LRRC37A2: variants seen among roughly 807,000 people sequenced by gnomAD.
LRRC37A2 encodes the protein leucine rich repeat containing 37 member A2, also known as leucine-rich repeat-containing protein 37A2.
LRRC37A2 carries 9 observed loss-of-function variants against 68.8 expected under a neutral mutation model. That is an observed-to-expected ratio of 0.13 (90% CI 0.08 to 0.23). The LOEUF is 0.23. LRRC37A2 is among the 10% of genes least tolerant of loss of function. The pLI, the probability that LRRC37A2 is intolerant of heterozygous loss-of-function variation, is 1.00. For missense variants in LRRC37A2, 168 were observed against 950.4 expected, an observed-to-expected ratio of 0.18 and a Z score of 10.82; for synonymous variants, 63 against 367.6, an observed-to-expected ratio of 0.17 and a Z score of 9.48.
chr17:47,024,182 C>A, the LRRC37A2 span, among the ~76,000 whole-genome samples: 1 of 152,168 alleles, frequency 6.6e-6, no homozygotes, highest in Non-Finnish European at 1.5e-5. Flanking sequence ...GAGTGAGACC[C>A]TGTCTCAAAA....
At chr17:46,558,163 A>G (rs1293830285), downstream of LRRC37A2, among the ~76,000 whole-genome samples, 1 of 116,868 alleles carries the variant, frequency 8.6e-6, no homozygotes, top group Non-Finnish European at 1.7e-5. Context: ...GGGTTCAAGC[A>G]AGTCTCCTGC....
chr17:46,940,568 C>T, the LRRC37A2 span: 1 of 1,614,182 alleles, frequency 6.2e-7, no homozygotes, highest in South Asian at 1.1e-5. Flanking sequence ...CCCAAGGATC[C>T]TGCCAGACAG....
At chr17:46,975,920 AGTT>A in the LRRC37A2 span, among the ~76,000 whole-genome samples, 298 of 151,754 alleles carry the variant, frequency 2.0e-3, 1 homozygote, top group African/African-American at 6.2e-3. Flanking sequence ...AAATGATAAA[AGTT>A]GTTGTTGTTG....
chr17:46,498,476 AT>A, the LRRC37A2 span, among the ~76,000 whole-genome samples: 2 of 138,850 alleles, frequency 1.4e-5, no homozygotes, highest in East Asian at 4.1e-4. Context: ...TGTATAGGTG[AT>A]AGAGCTGGTC....
the LRRC37A2 span, among the ~76,000 whole-genome samples, chr17:46,774,318 G>A: frequency 3.9e-5 from 6 of 152,260 alleles, no homozygotes; most frequent in African/African-American, 1.4e-4. Flanking sequence ...GGATACTGGG[G>A]CCACATGGAC....
chr17:46,707,169 A>G, the LRRC37A2 span, among the ~76,000 whole-genome samples: 2 of 152,026 alleles, frequency 1.3e-5, no homozygotes, highest in Non-Finnish European at 2.9e-5. Context: ...AATTTTTGCC[A>G]TTCAGTTAGG....
At chr17:46,733,800 T>G in the LRRC37A2 span, among the ~76,000 whole-genome samples, 14 of 152,240 alleles carry the variant, frequency 9.2e-5, no homozygotes, top group African/African-American at 3.4e-4. Context: ...TCCAACGTCA[T>G]AGCAGTATTA....
At chr17:46,545,064 C>G (rs2056071706) in intron 8 of LRRC37A2, among the ~76,000 whole-genome samples, 1 of 137,220 alleles carries the variant, frequency 7.3e-6, no homozygotes, top group Non-Finnish European at 1.6e-5. Context: ...TGTATCCTTC[C>G]TGCCTCGTAA....
chr17:46,495,510 A>G, the LRRC37A2 span, among the ~76,000 whole-genome samples: 1 of 146,892 alleles, frequency 6.8e-6, no homozygotes, highest in African/African-American at 2.6e-5. Context: ...TCAGCCTCCC[A>G]AGTAGCTGGG....
chr17:46,876,664 C>T, the LRRC37A2 span: 40 of 1,596,470 alleles, frequency 2.5e-5, no homozygotes, highest in South Asian at 7.8e-5. Flanking sequence ...GGTGCTGCTA[C>T]GTGGAGTGCC....
chr17:46,745,596 A>C, the LRRC37A2 span, among the ~76,000 whole-genome samples: 1 of 152,238 alleles, frequency 6.6e-6, no homozygotes, highest in East Asian at 1.9e-4. Context: ...CTTCTTCCTC[A>C]GTGCCACTGT....
the LRRC37A2 span, among the ~76,000 whole-genome samples, chr17:46,379,871 T>G: frequency 2.4e-5 from 1 of 41,876 alleles, no homozygotes; most frequent in Admixed American, 1.9e-4. Context: ...ATACTGTTTT[T>G]TTTTTTTTTT....
At chr17:46,862,634 G>A in the LRRC37A2 span, among the ~76,000 whole-genome samples, 1 of 152,198 alleles carries the variant, frequency 6.6e-6, no homozygotes, top group South Asian at 2.1e-4. Context: ...CCAGGCTGGA[G>A]TGCAGTGGCA....
chr17:46,891,923 T>TC, the LRRC37A2 span, among the ~76,000 whole-genome samples: 93 of 140,116 alleles, frequency 6.6e-4, no homozygotes, highest in African/African-American at 2.3e-3. Context: ...CTTTTCTTTT[T>TC]TTTTTTTTTT....
At chr17:46,894,830 C>A in the LRRC37A2 span, among the ~76,000 whole-genome samples, 1 of 152,256 alleles carries the variant, frequency 6.6e-6, no homozygotes, top group African/African-American at 2.4e-5. Context: ...TTTCACTTCT[C>A]CCCCCTCCAC....
chr17:46,965,156 G>C, the LRRC37A2 span: 1 of 152,232 alleles, frequency 6.6e-6, no homozygotes, highest in South Asian at 2.1e-4. Context: ...AACAAGGCAT[G>C]TTCTCGGGTG....
chr17:46,800,956 G>A, the LRRC37A2 span, among the ~76,000 whole-genome samples: 2 of 152,188 alleles, frequency 1.3e-5, no homozygotes, highest in Non-Finnish European at 2.9e-5. Context: ...ACAGAGGCAC[G>A]GAGAAGTGAG....
At chr17:46,661,407 T>TATA in the LRRC37A2 span, among the ~76,000 whole-genome samples, 2 of 107,292 alleles carry the variant, frequency 1.9e-5, no homozygotes, top group African/African-American at 7.3e-5. Context: ...TTATTATTAT[T>TATA]ATTTTTGAGA....
At chr17:46,876,364 G>A in the LRRC37A2 span, 3 of 1,614,068 alleles carry the variant, frequency 1.9e-6, no homozygotes, top group East Asian at 6.7e-5. Flanking sequence ...TGCTGAAACT[G>A]CGCTATGACT....
Sources: gnomAD v4.1 joint callset for allele counts (sites outside exome capture counted in the v4.1 genomes callset) on GRCh38, gnomAD v4.1.1 for gene constraint, MANE v1.5 for transcripts, NCBI Gene and HGNC (gene_info 2026-07-23, HGNC 2026-07-21) for gene names.